CORIN: variants seen among roughly 807,000 people sequenced by gnomAD.
CORIN encodes atrial natriuretic peptide-converting enzyme.
Under a neutral mutation model 125.3 loss-of-function variants are expected in CORIN, and 117 were observed. The observed-to-expected ratio is 0.93, with a 90% confidence interval of 0.80 to 1.09. The LOEUF (loss-of-function observed/expected upper bound fraction) is 1.09, where lower values mean the gene tolerates loss of function less well. Among genes scored for constraint, CORIN ranks in the 50% least tolerant of loss-of-function variants. CORIN has a pLI of 0.00. For missense variants in CORIN, 1,253 were observed against 1,306.7 expected (o/e 0.96, Z 0.63); for synonymous variants, 450 against 466.4 (o/e 0.96, Z 0.45).
At chr4:47,828,730 C>T (rs569925007) in intron 1 of CORIN, among the ~76,000 whole-genome samples, 4 of 152,258 alleles carry the variant, frequency 2.6e-5, no homozygotes, top group Admixed American at 2.0e-4. Context: ...ATTGTTCAGA[C>T]CATCTCACAC....
chr4:47,721,166 C>CAGAG (rs78663098), intron 5 of CORIN, among the ~76,000 whole-genome samples: 4 of 149,392 alleles, frequency 2.7e-5, no homozygotes, highest in Admixed American at 6.7e-5. Context: ...CATGTACAGA[C>CAGAG]AGAGAGAGAG....
intron 17 of CORIN, among the ~76,000 whole-genome samples, 157 bp downstream of exon 17, chr4:47,626,248 C>T (rs1414448022): frequency 6.6e-6 from 1 of 152,054 alleles, no homozygotes; most frequent in Non-Finnish European, 1.5e-5. Flanking sequence ...ATAAAAGCAA[C>T]CAATGTTGAA....
rs1302677568 is a variant in CORIN at position 47,805,197 on chromosome 4, AATAGAGT to A, written c.208+1699_208+1705del. On this transcript the variant is annotated intron_variant, in intron 2 of 21. Transcript: ENST00000273857. ...TAGAGTATAATTGGATTATAAAAAA[AATAGAGT>A]ATAATTGGATTATTGTGACAAAGTA... Among the ~76,000 whole-genome samples the A allele has an allele frequency of 4.0e-5, 6 of 151,200 alleles. No homozygotes were observed. The East Asian group carries it at 1.2e-3, about 29-fold the overall frequency.
At chr4:47,685,158 C>T (rs1426077402) in intron 6 of CORIN, among the ~76,000 whole-genome samples, 1 of 152,150 alleles carries the variant, frequency 6.6e-6, no homozygotes, top group African/African-American at 2.4e-5. Flanking sequence ...TTGTGAATTC[C>T]ACTCTTAGGA....
chr4:47,695,637 T>C (rs544322415), intron 5 of CORIN, among the ~76,000 whole-genome samples: 1 of 152,346 alleles, frequency 6.6e-6, no homozygotes, highest in Admixed American at 6.5e-5. Flanking sequence ...GGTTTTAGGG[T>C]ATCATAAATT....
At chr4:47,602,428 A>C (rs1483232727) in intron 20 of CORIN, among the ~76,000 whole-genome samples, 1 of 152,236 alleles carries the variant, frequency 6.6e-6, no homozygotes, top group Non-Finnish European at 1.5e-5. Context: ...AAACTATTTT[A>C]ATCAATTTAA....
intron 19 of CORIN, among the ~76,000 whole-genome samples, chr4:47,606,252 TC>T (rs931317989): frequency 4.6e-5 from 7 of 152,080 alleles, no homozygotes; most frequent in Admixed American, 1.3e-4. Flanking sequence ...CAGAATAATT[TC>T]TTTTTTTTTC....
At position 47,820,389 on chromosome 4, in the gene CORIN, C is replaced by T. The variant is rs147801773; in HGVS notation, c.64-13342G>A. 3.2e-3 allele frequency among the ~76,000 whole-genome samples: 493 copies of T among 152,092 alleles called. 3 individuals carry two copies. Among genetic ancestry groups the T allele is most frequent in the African/African-American group, 0.01 (425 of 41,486 alleles). The stretch of plus-strand genomic sequence containing the variant: ...GGTTAGGAGCTGGAAATGAGAACCT[C>T]AAATAAATCCAGGACTTTCACAATG... On this transcript the variant is annotated intron_variant, in intron 1 of 21. Transcript: ENST00000273857.
chr4:47,731,792 C>A (rs1727883238), intron 5 of CORIN, among the ~76,000 whole-genome samples: 1 of 151,940 alleles, frequency 6.6e-6, no homozygotes, highest in East Asian at 1.9e-4. Flanking sequence ...TTGCTTGAAC[C>A]CAGGAGGCGG....
intron 4 of CORIN, among the ~76,000 whole-genome samples, chr4:47,762,661 G>A (rs1293529593): frequency 6.6e-6 from 1 of 152,138 alleles, no homozygotes; most frequent in Non-Finnish European, 1.5e-5. Context: ...TAAAGTATAA[G>A]ATTTGGGACT....
rs57190153 is a variant in CORIN, at chr4:47,618,332, C to CAAA, written c.2540+5236_2540+5238dup. Among the ~76,000 whole-genome samples, 420 of 108,174 alleles carry CAAA rather than the reference C, an allele frequency of 3.9e-3. 3 individuals carry two copies. Among genetic ancestry groups the CAAA allele is most frequent in the East Asian group, 5.5e-3 (23 of 4,192 alleles). The allele number at this position is 108,174 out of a possible 152,430, so 71.0% of individuals were successfully genotyped here. On this transcript the variant is annotated intron_variant, in intron 19 of 21. Transcript: ENST00000273857. ...TTGGGCAACAGGAGTGAAACTCCAT[C>CAAA]AAAAAAAAAAAAGGAAAGGAAAGGA...
chr4:47,769,517 CA>C (rs1035647832), intron 3 of CORIN, among the ~76,000 whole-genome samples: 3 of 151,438 alleles, frequency 2.0e-5, no homozygotes, highest in African/African-American at 7.3e-5. Flanking sequence ...CAAAGAAATA[CA>C]AAAAATCCTA....
At chr4:47,596,176 T>C (rs1721240107) in intron 21 of CORIN, among the ~76,000 whole-genome samples, 1 of 152,188 alleles carries the variant, frequency 6.6e-6, no homozygotes, top group Non-Finnish European at 1.5e-5. Context: ...TCAGGCATTT[T>C]CTGCACTTAT....
intron 2 of CORIN, chr4:47,790,199 A>C: frequency 1.0e-6 from 1 of 985,174 alleles, no homozygotes; most frequent in Non-Finnish European, 1.2e-6. Flanking sequence ...TAACTGCCAT[A>C]AAGGAAGGAA....
At chr4:47,765,193 G>T (rs1219840037) in intron 3 of CORIN, among the ~76,000 whole-genome samples, 1 of 151,730 alleles carries the variant, frequency 6.6e-6, no homozygotes, top group African/African-American at 2.4e-5. Context: ...CGTTGTGGGG[G>T]GCGTGGTGGC....
At chr4:47,598,978 T>C (rs960199889) in intron 21 of CORIN, among the ~76,000 whole-genome samples, 1 of 152,192 alleles carries the variant, frequency 6.6e-6, no homozygotes, top group South Asian at 2.1e-4. Context: ...ACAGAATTAG[T>C]CCCATTTTAC....
Position 47,678,022 on chromosome 4 carries a change from T to A in CORIN, c.1165A>T (p.Asn389Tyr), listed in dbSNP as rs752709022. ...AACGTGCTGGGGATACATTGTCCAT[T>A]TCTGCATTCCACCAGACCCTGGCTG... is the stretch of plus-strand genomic sequence containing the variant. ...CHSQGLVECR[N>Y]GQCIPSTFQC... The change falls in exon 9 of 22, where the codon AAT becomes TAT. Residue 389 changes from asparagine to tyrosine, a missense_variant. Transcript: ENST00000273857. 6.2e-7 allele frequency: 1 copy of A among 1,614,024 alleles called. No individual in the cohort carries two copies.
At chr4:47,714,364 A>G (rs1726994748) in intron 5 of CORIN, among the ~76,000 whole-genome samples, 1 of 152,250 alleles carries the variant, frequency 6.6e-6, no homozygotes, top group Non-Finnish European at 1.5e-5. Context: ...AGGTAAAATA[A>G]GATTCATTAG....
chr4:47,773,744 T>C (rs1730166546), intron 3 of CORIN, among the ~76,000 whole-genome samples: 1 of 152,038 alleles, frequency 6.6e-6, no homozygotes, highest in Non-Finnish European at 1.5e-5. Context: ...TTCTTTCTTT[T>C]AATAAATATA....
Sources: allele counts gnomAD v4.1 joint callset (sites outside exome capture counted in the v4.1 genomes callset), GRCh38; gene constraint gnomAD v4.1.1; transcripts MANE v1.5; gene names NCBI Gene and HGNC (gene_info 2026-07-23, HGNC 2026-07-21).